Variants in ZNF407 observed in about 807,000 individuals in gnomAD.
The protein encoded by ZNF407 is zinc finger protein 407.
Under a neutral mutation model 131.2 loss-of-function variants are expected in ZNF407, and 17 were observed. That is an observed-to-expected ratio of 0.13 (90% CI 0.09 to 0.19). ZNF407 has a LOEUF of 0.19. ZNF407 is among the 10% of genes least tolerant of loss of function. The pLI is 1.00. For missense variants in ZNF407, 2,681 were observed against 2,830.6 expected, an observed-to-expected ratio of 0.95 and a Z score of 1.20; for synonymous variants, 1,156 against 1,062.0, an observed-to-expected ratio of 1.09 and a Z score of -1.72.
At chr18:74,692,221 C>G (rs1326885047) in intron 3 of ZNF407, among the ~76,000 whole-genome samples, 1 of 152,068 alleles carries the variant, frequency 6.6e-6, no homozygotes, top group Non-Finnish European at 1.5e-5. Context: ...CATGGGGCCT[C>G]CATTCAGTCT....
At chr18:74,991,107 GT>G (rs1466104762) in intron 8 of ZNF407, among the ~76,000 whole-genome samples, 2 of 152,154 alleles carry the variant, frequency 1.3e-5, no homozygotes, top group African/African-American at 2.4e-5. Context: ...TTTCAGTTAG[GT>G]TTTTTTCTAG....
chr18:74,947,509 T>A (rs1400482243), intron 8 of ZNF407, among the ~76,000 whole-genome samples: 1 of 152,244 alleles, frequency 6.6e-6, no homozygotes, highest in East Asian at 1.9e-4. Context: ...AAAATAAATT[T>A]TAGGACGTGA....
At chr18:75,056,973 C>T (rs1157386546) in intron 8 of ZNF407, among the ~76,000 whole-genome samples, 2 of 152,106 alleles carry the variant, frequency 1.3e-5, no homozygotes, top group African/African-American at 4.8e-5. Flanking sequence ...GTTAAAATTA[C>T]ATCTTAAAAT....
At chr18:74,956,549 G>A (rs531869118) in intron 8 of ZNF407, among the ~76,000 whole-genome samples, 7 of 152,216 alleles carry the variant, frequency 4.6e-5, no homozygotes, top group African/African-American at 1.4e-4. Context: ...TACACACACT[G>A]TGTCCTGACA....
At chr18:74,817,370 G>C (rs943038166) in intron 4 of ZNF407, among the ~76,000 whole-genome samples, 2 of 152,090 alleles carry the variant, frequency 1.3e-5, no homozygotes, top group African/African-American at 4.8e-5. Flanking sequence ...TCCTCTTGCT[G>C]AGATAAAGTT....
intron 8 of ZNF407, among the ~76,000 whole-genome samples, chr18:75,051,152 G>T (rs1367095548): frequency 2.0e-5 from 3 of 151,906 alleles, no homozygotes; most frequent in African/African-American, 7.3e-5. Context: ...GGCTGTGTGG[G>T]TGTCTACCTA....
At chr18:74,815,303 C>T (rs1970253067) in intron 4 of ZNF407, among the ~76,000 whole-genome samples, 1 of 152,086 alleles carries the variant, frequency 6.6e-6, no homozygotes, top group African/African-American at 2.4e-5. Flanking sequence ...ATATTATTAT[C>T]TACATTTCCT....
At chr18:74,639,999 A>C (rs1984636547) in intron 2 of ZNF407, among the ~76,000 whole-genome samples, 1 of 152,070 alleles carries the variant, frequency 6.6e-6, no homozygotes, top group Non-Finnish European at 1.5e-5. Context: ...GTTCTATCTA[A>C]CTATAGTAGA....
chr18:74,931,003 C>A (rs1971976819), intron 8 of ZNF407, among the ~76,000 whole-genome samples: 1 of 152,222 alleles, frequency 6.6e-6, no homozygotes, highest in African/African-American at 2.4e-5. Flanking sequence ...GGTATGTATA[C>A]TAAATCCTGC....
At chr18:75,009,356 T>C (rs1972947848) in intron 8 of ZNF407, among the ~76,000 whole-genome samples, 1 of 152,208 alleles carries the variant, frequency 6.6e-6, no homozygotes, top group Non-Finnish European at 1.5e-5. Flanking sequence ...TTATTTTACA[T>C]TTTATAAAAG....
intron 4 of ZNF407, among the ~76,000 whole-genome samples, chr18:74,845,230 T>C (rs911665928): frequency 1.4e-4 from 21 of 152,250 alleles, no homozygotes; most frequent in African/African-American, 4.6e-4. Context: ...TTGGTGATGC[T>C]AAAGTTCTCC....
intron 4 of ZNF407, among the ~76,000 whole-genome samples, chr18:74,819,090 C>T (rs558104541): frequency 2.6e-5 from 4 of 152,218 alleles, no homozygotes; most frequent in South Asian, 2.1e-4. Context: ...GTCCCCCAGC[C>T]GCCTTGGTCA....
intron 3 of ZNF407, among the ~76,000 whole-genome samples, chr18:74,767,457 A>G (rs1969260661): frequency 6.6e-6 from 1 of 152,132 alleles, no homozygotes. Context: ...TCTGTTTTAT[A>G]AACTTTTATT....
chr18:74,894,264 C>G (rs994870484), intron 7 of ZNF407, among the ~76,000 whole-genome samples: 2 of 151,984 alleles, frequency 1.3e-5, no homozygotes, highest in African/African-American at 4.8e-5. Context: ...CCATTAGTTA[C>G]TATTCGTTAT....
At chr18:74,661,019 C>T (rs1985690490) in intron 3 of ZNF407, among the ~76,000 whole-genome samples, 1 of 152,124 alleles carries the variant, frequency 6.6e-6, no homozygotes, top group Non-Finnish European at 1.5e-5. Context: ...ATAGAATTCA[C>T]CTGAAAATCC....
intron 1 of ZNF407, among the ~76,000 whole-genome samples, chr18:74,606,069 G>A (rs8090386): frequency 6.6e-6 from 1 of 152,194 alleles, no homozygotes; most frequent in South Asian, 2.1e-4. Flanking sequence ...GATTGTCAGG[G>A]ATCACTAGCG....
chr18:74,684,705 A>T (rs893576720), intron 3 of ZNF407, among the ~76,000 whole-genome samples: 1 of 152,236 alleles, frequency 6.6e-6, no homozygotes, highest in African/African-American at 2.4e-5. Flanking sequence ...GAGTAAACTG[A>T]CTTTACAGGA....
At chr18:74,970,029 T>C (rs1353623724) in intron 8 of ZNF407, among the ~76,000 whole-genome samples, 2 of 152,102 alleles carry the variant, frequency 1.3e-5, no homozygotes, top group African/African-American at 4.8e-5. Context: ...AAGGCACTTC[T>C]TTCATGGCGG....
intron 8 of ZNF407, among the ~76,000 whole-genome samples, chr18:75,016,936 T>C (rs1243266801): frequency 2.0e-5 from 3 of 152,144 alleles, no homozygotes. Context: ...TATCTTAGCT[T>C]ACCCATTAGC....
Sources: gnomAD v4.1 joint callset for allele counts (sites outside exome capture counted in the v4.1 genomes callset) on GRCh38, gnomAD v4.1.1 for gene constraint, MANE v1.5 for transcripts, NCBI Gene and HGNC (gene_info 2026-07-23, HGNC 2026-07-21) for gene names.